The following AGAP1 variants were observed in gnomAD, a reference collection of about 807,000 sequenced individuals.
AGAP1 encodes the protein ArfGAP with GTPase domain, ankyrin repeat and PH domain 1.
Under a neutral mutation model 105.3 loss-of-function variants are expected in AGAP1, and 29 were observed. That is an observed-to-expected ratio of 0.28 (90% CI 0.21 to 0.38). The LOEUF is 0.38. Ranked by LOEUF, AGAP1 falls within the 10% of genes least tolerant of loss-of-function variation. AGAP1 has a pLI of 1.00. For missense variants in AGAP1, 998 were observed against 1,165.1 expected (o/e 0.86, Z 2.09); for synonymous variants, 509 against 485.9 (o/e 1.05, Z -0.63).
intron 16 of AGAP1, among the ~76,000 whole-genome samples, chr2:236,085,209 C>A (rs1331892931): frequency 7.2e-6 from 1 of 139,276 alleles, no homozygotes. Context: ...GAACGAGACT[C>A]CGTCTCAAAA....
rs368851403 is a variant in AGAP1 at position 236,043,895 on chromosome 2, G to A, written c.1891+3054G>A. On this transcript the variant is annotated intron_variant, in intron 15 of 17. Transcript: ENST00000304032. ...ACTCTGGAAGGTTAGCACCAGTTGT[G>A]TCTGAGTGGTAGGGTCTTTTGAGGC... 2.6e-5 allele frequency among the ~76,000 whole-genome samples: 4 copies of A among 152,180 alleles called. 1 individual carries two copies. Among genetic ancestry groups the A allele is most frequent in the East Asian group, 1.9e-4 (1 of 5,190 alleles).
chr2:235,740,386 C>G lies in AGAP1; in HGVS notation c.311-577C>G, dbSNP rs1413810455. Among the ~76,000 whole-genome samples, 1 of 152,166 alleles carries G rather than the reference C, an allele frequency of 6.6e-6. No homozygotes were observed. The highest frequency in any genetic ancestry group is 1.5e-5 in the Non-Finnish European group (1 of 68,042). On this transcript the variant is annotated intron_variant, in intron 3 of 17. Coordinates refer to ENST00000304032, the MANE Select transcript of AGAP1 (RefSeq NM_001037131.3). The surrounding 1 kb of genome is among the most constrained non-coding windows in gnomAD (Gnocchi z 5.7). ...CGCTGCTCTGCTGTCTCCACCCGTG[C>G]GGAGGTCCCATCCAGTAGTTTCTGT...
rs939892614 is a variant in AGAP1, at chr2:235,549,670, G to A, written c.163+54821G>A. The stretch of plus-strand genomic sequence containing the variant: ...TAAAAATGAGCCTAATACTGTTCAC[G>A]TTTTAGCACCTGGCAAATGTATTGA... On this transcript the variant is annotated intron_variant, in intron 1 of 17. Transcript: ENST00000304032. This position sits in a 1 kb window ranked among gnomAD's most constrained non-coding sequence, Gnocchi z 4.2. Among the ~76,000 whole-genome samples, 1 of 152,206 alleles carries A rather than the reference G, an allele frequency of 6.6e-6. No homozygotes were observed. Among genetic ancestry groups the A allele is most frequent in the Non-Finnish European group, 1.5e-5 (1 of 68,034 alleles).
chr2:235,524,318 C>G (rs1222282529), intron 1 of AGAP1: 1 of 169,620 alleles, frequency 5.9e-6, no homozygotes, highest in Non-Finnish European at 1.4e-5. Flanking sequence ...TTAGTCCTGC[C>G]TTCTTATCCG....
At chr2:235,528,414 AG>A (rs905236876) in intron 1 of AGAP1, among the ~76,000 whole-genome samples, 10 of 136,992 alleles carry the variant, frequency 7.3e-5, no homozygotes, top group African/African-American at 2.7e-4. Context: ...AGGCTTTATA[AG>A]GATATTGATT....
chr2:236,040,157 C>T lies in AGAP1; in HGVS notation c.1801-594C>T, dbSNP rs368089792. Among the ~76,000 whole-genome samples, 1 of 152,082 alleles carries T rather than the reference C, an allele frequency of 6.6e-6. No homozygotes were observed. Among genetic ancestry groups the T allele is most frequent in the East Asian group, 1.9e-4 (1 of 5,188 alleles). Reference sequence around the variant, plus strand: ...AATAAATAAAAATAAAGCAAGCCATCAAGTGTAAGGTTAAGAATCAGCACT... The same window carrying T: ...AATAAATAAAAATAAAGCAAGCCATTAAGTGTAAGGTTAAGAATCAGCACT... On this transcript the variant is annotated intron_variant, in intron 14 of 17. Transcript: ENST00000304032. The surrounding 1 kb of genome is among the most constrained non-coding windows in gnomAD (Gnocchi z 5.6).
At chr2:235,986,160 C>G (rs569004149) in intron 13 of AGAP1, among the ~76,000 whole-genome samples, 1 of 151,830 alleles carries the variant, frequency 6.6e-6, no homozygotes, top group Non-Finnish European at 1.5e-5. Context: ...AGTGGTTTGT[C>G]GTTCTCCTTG....
In AGAP1 at chr2:236,045,795, C is replaced by T; in HGVS notation, c.1892-3264C>T. The T allele has an allele frequency of 2.6e-6, 1 of 385,408 alleles. No individual in the cohort carries two copies. The highest frequency in any genetic ancestry group is 1.9e-5 in the South Asian group (1 of 52,298). 23.9% of individuals were successfully genotyped at this position (385,408 alleles called of 1,614,324 possible). A position where few individuals can be genotyped will look rare whatever the true frequency, so the allele number is the denominator to read the frequency against. ...TGCAGTGGTGATGCTTAGATACCAACCCTTGCCGATGAGTCATTCTCTGCT... is the reference window on the plus strand; with the variant it reads ...TGCAGTGGTGATGCTTAGATACCAATCCTTGCCGATGAGTCATTCTCTGCT... On this transcript the variant is annotated intron_variant, in intron 15 of 17. Coordinates refer to ENST00000304032, the MANE Select transcript of AGAP1 (RefSeq NM_001037131.3). This position sits in a 1 kb window ranked among gnomAD's most constrained non-coding sequence, Gnocchi z 6.9.
chr2:235,973,298 T>G lies in AGAP1; in HGVS notation c.1645+4675T>G, dbSNP rs754173988. On this transcript the variant is annotated intron_variant, in intron 13 of 17. Coordinates refer to ENST00000304032, the MANE Select transcript of AGAP1 (RefSeq NM_001037131.3). The surrounding 1 kb of genome is among the most constrained non-coding windows in gnomAD (Gnocchi z 4.7). ...CATTTATTTTCTTAGGTTTACCATT[T>G]AAAATGAATCGGAGGAATCTGGAAA... Among the ~76,000 whole-genome samples the G allele has an allele frequency of 6.6e-6, 1 of 152,206 alleles. No individual in the cohort carries two copies. Among genetic ancestry groups the G allele is most frequent in the Non-Finnish European group, 1.5e-5 (1 of 68,038 alleles).
chr2:235,948,444 C>T (rs1356015545), intron 12 of AGAP1, among the ~76,000 whole-genome samples: 1 of 152,204 alleles, frequency 6.6e-6, no homozygotes, highest in African/African-American at 2.4e-5. Context: ...CTCCATCTCC[C>T]AAAGTCTCCT....
chr2:235,667,943 G>A (rs1011735961), intron 1 of AGAP1, among the ~76,000 whole-genome samples: 3 of 140,382 alleles, frequency 2.1e-5, no homozygotes, highest in South Asian at 2.3e-4. Flanking sequence ...GGGCAAGAGC[G>A]AGTGAGCCTC....
Position 235,744,205 on chromosome 2 carries a change from C to A in AGAP1, c.397-493C>A, listed in dbSNP as rs1239531085. On this transcript the variant is annotated intron_variant, in intron 4 of 17. Coordinates refer to ENST00000304032, the MANE Select transcript of AGAP1 (RefSeq NM_001037131.3). This position sits in a 1 kb window ranked among gnomAD's most constrained non-coding sequence, Gnocchi z 5.2. ...AATCTTTACCCTTCAACAGAGTAGG[C>A]CAGCCGCTGCGGTAGCGAGTGGGAA... Among the ~76,000 whole-genome samples, 1 of 152,132 alleles carries A rather than the reference C, an allele frequency of 6.6e-6. No individual in the cohort carries two copies. Among genetic ancestry groups the A allele is most frequent in the Non-Finnish European group, 1.5e-5 (1 of 68,030 alleles).
At chr2:235,942,454 G>C (rs2053304705) in intron 12 of AGAP1, among the ~76,000 whole-genome samples, 1 of 152,090 alleles carries the variant, frequency 6.6e-6, no homozygotes, top group South Asian at 2.1e-4. Context: ...GAGACGGGCG[G>C]ATCACCTGAG....
rs182808092 is a variant in AGAP1 at position 235,625,419 on chromosome 2, G to C, written c.164-83760G>C. 7.9e-4 allele frequency among the ~76,000 whole-genome samples: 120 copies of C among 152,356 alleles called. No individual in the cohort carries two copies. Among genetic ancestry groups the C allele is most frequent in the African/African-American group, 2.2e-3 (92 of 41,582 alleles). ...TGGGAGTCCTGCATCGCTGAGGTCA[G>C]GGGAGGTTCTGTAAATCTGGGAGAA... On this transcript the variant is annotated intron_variant, in intron 1 of 17. Transcript: ENST00000304032. The surrounding 1 kb of genome is among the most constrained non-coding windows in gnomAD (Gnocchi z 4.0).
At chr2:235,670,908 G>A (rs1292573493) in intron 1 of AGAP1, 17 of 1,340,630 alleles carry the variant, frequency 1.3e-5, no homozygotes, top group Non-Finnish European at 1.6e-5. Flanking sequence ...TTCTTCAGCG[G>A]CATCTTCGCG....
chr2:235,824,096 A>G lies in AGAP1; in HGVS notation c.1050+16765A>G, dbSNP rs1958944558. ...TAACTTAACTTATATATAACTTAAC[A>G]TTCTGTTTATGTTAAAAATTCAGGC... On this transcript the variant is annotated intron_variant, in intron 9 of 17. Coordinates refer to ENST00000304032, the MANE Select transcript of AGAP1 (RefSeq NM_001037131.3). This position sits in a 1 kb window ranked among gnomAD's most constrained non-coding sequence, Gnocchi z 5.2. Among the ~76,000 whole-genome samples the G allele has an allele frequency of 6.6e-6, 1 of 152,218 alleles. No individual in the cohort carries two copies. Among genetic ancestry groups the G allele is most frequent in the African/African-American group, 2.4e-5 (1 of 41,454 alleles).
chr2:235,806,964 T>C (rs904750299), intron 8 of AGAP1, among the ~76,000 whole-genome samples: 1 of 152,192 alleles, frequency 6.6e-6, no homozygotes, highest in Admixed American at 6.5e-5. Context: ...GGCCCATTGG[T>C]TTCTAGTAGT....
rs556967415 is a variant in AGAP1, at chr2:235,709,677, A to G, written c.222+440A>G. On this transcript the variant is annotated intron_variant, in intron 2 of 17. Transcript: ENST00000304032. ...CATGAGTCACCAAGCTTTGGTATCCATCATTTTTGAAATGTGACTATTTAC... is the reference window on the plus strand; with the variant it reads ...CATGAGTCACCAAGCTTTGGTATCCGTCATTTTTGAAATGTGACTATTTAC... 1.2e-3 allele frequency among the ~76,000 whole-genome samples: 183 copies of G among 152,336 alleles called. 1 individual carries two copies. Among genetic ancestry groups the G allele is most frequent in the African/African-American group, 4.1e-3 (171 of 41,574 alleles).
At chr2:235,496,630 C>G (rs1381912010) in intron 1 of AGAP1, among the ~76,000 whole-genome samples, 2 of 152,210 alleles carry the variant, frequency 1.3e-5, no homozygotes, top group Non-Finnish European at 2.9e-5. Flanking sequence ...AGACCTCTGG[C>G]TGAGTGGGGT....
Sources: allele counts gnomAD v4.1 joint callset (sites outside exome capture counted in the v4.1 genomes callset), GRCh38; gene constraint gnomAD v4.1.1; non-coding constraint Gnocchi (gnomAD v3.1); transcripts MANE v1.5; gene names NCBI Gene and HGNC (gene_info 2026-07-23, HGNC 2026-07-21).